PIEZO2: variants seen among roughly 807,000 people sequenced by gnomAD.
PIEZO2 encodes piezo type mechanosensitive ion channel component 2.
In PIEZO2, 172 loss-of-function variants were observed where a neutral mutation model predicts 337.3. That is an observed-to-expected ratio of 0.51 (90% confidence interval 0.45 to 0.58). The LOEUF (loss-of-function observed/expected upper bound fraction) is 0.58. Among genes scored for constraint, PIEZO2 ranks in the 20% least tolerant of loss-of-function variants. The pLI, the probability that PIEZO2 is intolerant of heterozygous loss-of-function variation, is 0.00. For missense variants in PIEZO2, 3,028 were observed against 3,391.3 expected, an observed-to-expected ratio of 0.89 and a Z score of 2.66; for synonymous variants, 1,251 against 1,228.5, an observed-to-expected ratio of 1.02 and a Z score of -0.38.
chr18:10,926,466 G>A (rs960746387), intron 3 of PIEZO2, among the ~76,000 whole-genome samples: 1 of 152,166 alleles, frequency 6.6e-6, no homozygotes, highest in African/African-American at 2.4e-5. Context: ...TCAGGCAGAT[G>A]AAACAGGCTT....
chr18:11,143,424 G>A lies in PIEZO2; in HGVS notation c.64+5101C>T, dbSNP rs1423792977. On this transcript the variant is annotated intron_variant, in intron 1 of 55. Transcript: ENST00000674853. The surrounding 1 kb of genome is among the most constrained non-coding windows in gnomAD (Gnocchi z 4.9). ...TAGAAATAAAATCACATTAAATAAA[G>A]ACTACAAAAATGGTGCTGAAAAACA... Among the ~76,000 whole-genome samples the A allele has an allele frequency of 1.3e-5, 2 of 152,056 alleles. No individual in the cohort carries two copies. Among genetic ancestry groups the A allele is most frequent in the East Asian group, 3.9e-4 (2 of 5,194 alleles).
chr18:10,782,206 T>C (rs2039011240), intron 17 of PIEZO2, among the ~76,000 whole-genome samples: 2 of 134,532 alleles, frequency 1.5e-5, no homozygotes, highest in South Asian at 2.1e-4. Flanking sequence ...TTATATATCA[T>C]ATAATTATAT....
chr18:10,887,070 T>TTC (rs1235656941), intron 4 of PIEZO2, among the ~76,000 whole-genome samples: 2 of 135,366 alleles, frequency 1.5e-5, no homozygotes, highest in African/African-American at 6.0e-5. Context: ...ACACACTTTT[T>TTC]TTTTTTTTTT....
In PIEZO2 at chr18:11,035,629, T is replaced by C. The variant is rs984256700; in HGVS notation, c.160+30498A>G. On this transcript the variant is annotated intron_variant, in intron 2 of 55. Transcript: ENST00000674853. The surrounding 1 kb of genome is among the most constrained non-coding windows in gnomAD (Gnocchi z 4.3). ...GATCTGCAGGCTAATTATCAGGAAA[T>C]AGAAAAAACAGCAGAGACCTCTAAT... Among the ~76,000 whole-genome samples the C allele has an allele frequency of 6.6e-6, 1 of 151,874 alleles. No homozygotes were observed. The highest frequency in any genetic ancestry group is 2.4e-5 in the African/African-American group (1 of 41,326).
At chr18:11,025,371 G>A (rs1282340909) in intron 2 of PIEZO2, among the ~76,000 whole-genome samples, 1 of 152,146 alleles carries the variant, frequency 6.6e-6, no homozygotes, top group Admixed American at 6.5e-5. Flanking sequence ...TGTTTGATGG[G>A]AAATGCTTAG....
chr18:10,728,304 A>G lies in PIEZO2; in HGVS notation c.5029+3103T>C, dbSNP rs187264029. The G allele has an allele frequency of 3.3e-5, 5 of 152,638 alleles. 1 individual carries two copies. In the East Asian group the frequency reaches 9.6e-4, roughly 29 times the overall value. 9.5% of individuals were successfully genotyped at this position (152,638 alleles called of 1,614,324 possible). ...ACTAAAACCTTTCCGAAAAATATCT[A>G]TTAAAGTAAAAACAGGCACACTCTA... On this transcript the variant is annotated intron_variant, in intron 36 of 55. Transcript: ENST00000674853.
In PIEZO2 at chr18:10,766,838, C is replaced by A. The variant is rs2038379290; in HGVS notation, c.2946+3310G>T. Among the ~76,000 whole-genome samples, 2 of 152,230 alleles carry A rather than the reference C, an allele frequency of 1.3e-5. No individual in the cohort carries two copies. The highest frequency in any genetic ancestry group is 4.8e-5 in the African/African-American group (2 of 41,460). Reference sequence around the variant, plus strand: ...CAAGCTACTACACTAGCACCTAGCACCATGTACGCATTCACTTTATTGTGA... The same window carrying A: ...CAAGCTACTACACTAGCACCTAGCAACATGTACGCATTCACTTTATTGTGA... On this transcript the variant is annotated intron_variant, in intron 21 of 55. Coordinates refer to ENST00000674853, the MANE Select transcript of PIEZO2 (RefSeq NM_001378183.1). This position sits in a 1 kb window ranked among gnomAD's most constrained non-coding sequence, Gnocchi z 6.1.
At chr18:11,134,086 A>T (rs1172595321) in intron 1 of PIEZO2, among the ~76,000 whole-genome samples, 4 of 152,174 alleles carry the variant, frequency 2.6e-5, no homozygotes, top group Non-Finnish European at 5.9e-5. Flanking sequence ...ATCTGACTTC[A>T]GTGTTGAAAA....
Position 10,763,050 on chromosome 18 carries a change from G to C in PIEZO2, c.2995C>G (p.Pro999Ala), listed in dbSNP as rs1221605689. 6.5e-7 allele frequency: 1 copy of C among 1,537,350 alleles called. No individual in the cohort carries two copies. ...GCCAGACGGCGCAGCTTGGCGTACG[G>C]CAGAGCAAAAGCCCAAGAAATCAAA... ...VFLISWAFAL[P>A]YAKLRRLASS... Residue 999 changes from proline to alanine, a missense_variant, in exon 22 of 56, where the codon CCG (proline) becomes GCG (alanine). Pro to Ala is a conservative substitution (Grantham distance 27). This residue lies in a region of PIEZO2 where 1,925 missense variants were observed against 2,051.9 expected (regional missense o/e 0.94). Transcript: ENST00000674853.
In PIEZO2 at chr18:10,724,579, A is replaced by C; in HGVS notation, c.5030-6320T>G. 1.7e-6 allele frequency: 1 copy of C among 578,222 alleles called. No homozygotes were observed. The highest frequency in any genetic ancestry group is 3.2e-6 in the Non-Finnish European group (1 of 317,424). 35.8% of individuals were successfully genotyped at this position (578,222 alleles called of 1,614,324 possible). ...GTCCCCAGAAGTCGACAGTGTGGGGAGTTGGAGTGACCCAGCTGGATGTGA... is the reference window on the plus strand; with the variant it reads ...GTCCCCAGAAGTCGACAGTGTGGGGCGTTGGAGTGACCCAGCTGGATGTGA... On this transcript the variant is annotated intron_variant, in intron 36 of 55. Coordinates refer to ENST00000674853, the MANE Select transcript of PIEZO2 (RefSeq NM_001378183.1). The surrounding 1 kb of genome is among the most constrained non-coding windows in gnomAD (Gnocchi z 5.8).
chr18:10,871,776 A>T (rs1394237473), intron 4 of PIEZO2, among the ~76,000 whole-genome samples: 1 of 152,272 alleles, frequency 6.6e-6, no homozygotes, highest in Non-Finnish European at 1.5e-5. Context: ...TAGCAGCTAG[A>T]AGATATTTTA....
At chr18:10,765,091 G>A (rs577657642) in intron 21 of PIEZO2, among the ~76,000 whole-genome samples, 97 of 152,348 alleles carry the variant, frequency 6.4e-4, no homozygotes, top group African/African-American at 2.2e-3. Context: ...GTCTTAACTA[G>A]GTTCAAGGTG....
chr18:10,733,119 T>C (rs187395091), intron 35 of PIEZO2, among the ~76,000 whole-genome samples: 10 of 152,104 alleles, frequency 6.6e-5, no homozygotes, highest in Admixed American at 3.3e-4. Flanking sequence ...GAAGAAGTCT[T>C]GTAGAAAGGG....
chr18:11,110,395 T>C lies in PIEZO2; in HGVS notation c.64+38130A>G, dbSNP rs946986117. On this transcript the variant is annotated intron_variant, in intron 1 of 55. Coordinates refer to ENST00000674853, the MANE Select transcript of PIEZO2 (RefSeq NM_001378183.1). The surrounding 1 kb of genome is among the most constrained non-coding windows in gnomAD (Gnocchi z 4.2). The stretch of plus-strand genomic sequence containing the variant: ...TAGAAAGATCATCCCACCCTGGGAG[T>C]TGGGCCTCCCCCGCATTCTGGCTGA... 1.3e-5 allele frequency among the ~76,000 whole-genome samples: 2 copies of C among 152,194 alleles called. No individual in the cohort carries two copies. The highest frequency in any genetic ancestry group is 2.4e-5 in the African/African-American group (1 of 41,446).
chr18:11,020,591 T>C (rs919645850), intron 2 of PIEZO2, among the ~76,000 whole-genome samples: 1 of 152,124 alleles, frequency 6.6e-6, no homozygotes, highest in African/African-American at 2.4e-5. Context: ...CCAACTACTG[T>C]CTAAACTCCC....
At position 10,857,230 on chromosome 18, in the gene PIEZO2, G is replaced by GA; in HGVS notation, c.493-20_493-19insT. On this transcript the variant is annotated intron_variant, in intron 5 of 55. Coordinates refer to ENST00000674853, the MANE Select transcript of PIEZO2 (RefSeq NM_001378183.1). ...CTTCAGCCTAAATAAATGACAAACA[G>GA]GAAACACTCAAGTCCAGGAGCCTGC... is the stretch of plus-strand genomic sequence containing the variant. 6.5e-7 allele frequency: 1 copy of GA among 1,534,628 alleles called. No homozygotes were observed. The highest frequency in any genetic ancestry group is 8.7e-7 in the Non-Finnish European group (1 of 1,144,546).
chr18:11,114,398 G>A (rs2039824373), intron 1 of PIEZO2, among the ~76,000 whole-genome samples: 1 of 152,214 alleles, frequency 6.6e-6, no homozygotes, highest in African/African-American at 2.4e-5. Flanking sequence ...AAACGTGGTG[G>A]CTCACGCCTG....
chr18:10,823,643 A>G (rs1466553077), intron 7 of PIEZO2, among the ~76,000 whole-genome samples: 1 of 152,234 alleles, frequency 6.6e-6, no homozygotes, highest in Admixed American at 6.5e-5. Flanking sequence ...CAAAAAGTAC[A>G]GAGTGTGTGG....
intron 7 of PIEZO2, among the ~76,000 whole-genome samples, chr18:10,841,980 ACT>A (rs1191759166): frequency 2.0e-5 from 3 of 152,050 alleles, no homozygotes; most frequent in African/African-American, 7.2e-5. Context: ...ACATGGTGAA[ACT>A]CTGTCTCTAC....
Sources: gnomAD v4.1 joint callset for allele counts (sites outside exome capture counted in the v4.1 genomes callset) on GRCh38, gnomAD v4.1.1 for gene constraint, gnomAD v4.1.1 regional missense constraint, Gnocchi (gnomAD v3.1) non-coding constraint, MANE v1.5 for transcripts, NCBI Gene and HGNC (gene_info 2026-07-23, HGNC 2026-07-21) for gene names.